The following TBC1D5 variants were observed in gnomAD, a reference collection of about 807,000 sequenced individuals.
TBC1D5 encodes the protein TBC1 domain family member 5, also known as TBC1 domain family, member 5.
A neutral mutation model predicts 100.3 loss-of-function variants in TBC1D5; 75 were observed. The ratio of observed to expected loss-of-function variants is 0.75; its 90% CI spans 0.62 to 0.91. The LOEUF (loss-of-function observed/expected upper bound fraction) is 0.91. TBC1D5 is among the 40% of genes least tolerant of loss of function. TBC1D5 has a pLI of 0.00. For synonymous variants in TBC1D5, 323 were observed against 325.6 expected, an observed-to-expected ratio of 0.99 and a Z score of 0.09; for missense variants, 910 against 942.4, an observed-to-expected ratio of 0.97 and a Z score of 0.45.
At chr3:17,662,573 C>A (rs1271018373) in intron 1 of TBC1D5, among the ~76,000 whole-genome samples, 1 of 152,132 alleles carries the variant, frequency 6.6e-6, no homozygotes, top group Non-Finnish European at 1.5e-5. Context: ...CTGAATTCCA[C>A]TTGAAAATGT....
chr3:17,725,606 G>A (rs2076057533), intron 1 of TBC1D5, among the ~76,000 whole-genome samples: 1 of 152,154 alleles, frequency 6.6e-6, no homozygotes, highest in Non-Finnish European at 1.5e-5. Context: ...CAAAAGCAAA[G>A]TAAAAGCTCC....
chr3:17,327,638 G>A (rs2086311688), intron 13 of TBC1D5, among the ~76,000 whole-genome samples: 2 of 152,242 alleles, frequency 1.3e-5, no homozygotes, highest in South Asian at 4.1e-4. Flanking sequence ...CCAGCTCAGT[G>A]AGGCCTTCTC....
chr3:17,573,250 G>A (rs975590321), intron 2 of TBC1D5, among the ~76,000 whole-genome samples: 1 of 152,002 alleles, frequency 6.6e-6, no homozygotes, highest in African/African-American at 2.4e-5. Flanking sequence ...GCAACCAACT[G>A]CTAGATATGA....
At chr3:17,698,640 C>T (rs112728684) in intron 1 of TBC1D5, among the ~76,000 whole-genome samples, 70,353 of 143,454 alleles carry the variant, frequency 0.49, 18,737 homozygotes, top group East Asian at 0.95. Flanking sequence ...TCGCAACCTA[C>T]TCATCTGACA....
At chr3:17,421,498 T>A (rs1451059680) in intron 4 of TBC1D5, among the ~76,000 whole-genome samples, 2 of 152,114 alleles carry the variant, frequency 1.3e-5, no homozygotes, top group South Asian at 4.1e-4. Context: ...ATTGCCACTT[T>A]AGAACTAGAA....
chr3:17,450,805 T>C (rs148641189), intron 3 of TBC1D5, among the ~76,000 whole-genome samples: 13,867 of 152,032 alleles, frequency 0.091, 1,427 homozygotes, highest in African/African-American at 0.26. Flanking sequence ...AGTTGGAAAA[T>C]ACACTTCAGG....
At position 17,240,826 on chromosome 3, in the gene TBC1D5, G is replaced by A. The variant is rs531201190; in HGVS notation, c.1332-2407C>T. 3.3e-5 allele frequency among the ~76,000 whole-genome samples: 5 copies of A among 152,206 alleles called. No individual in the cohort carries two copies. The East Asian group carries it at 9.6e-4, about 29-fold the overall frequency. On this transcript the variant is annotated intron_variant, in intron 16 of 21. Transcript: ENST00000253692. Reference sequence around the variant, plus strand: ...TACTAGTCAAATTCCCACATTGCCGGTTGTAAAATTTATATGTTGATAAAA... The same window carrying A: ...TACTAGTCAAATTCCCACATTGCCGATTGTAAAATTTATATGTTGATAAAA...
rs376411889 is a variant in TBC1D5, at chr3:17,433,145, T to C, written c.98-4626A>G. Reference sequence around the variant, plus strand: ...AGAGGGTACCATGTTAGCAAATTGTTGTGCATATATGTTCTACCCTGTGTA... The same window carrying C: ...AGAGGGTACCATGTTAGCAAATTGTCGTGCATATATGTTCTACCCTGTGTA... On this transcript the variant is annotated intron_variant, in intron 3 of 21. Coordinates refer to ENST00000253692, the Ensembl canonical transcript of TBC1D5. Among the ~76,000 whole-genome samples the C allele has an allele frequency of 2.0e-4, 31 of 152,284 alleles. No homozygotes were observed. In the East Asian group the frequency reaches 5.0e-3, roughly 25 times the overall value.
At chr3:17,460,679 G>C (rs990027315) in intron 3 of TBC1D5, among the ~76,000 whole-genome samples, 14 of 151,060 alleles carry the variant, frequency 9.3e-5, no homozygotes, top group African/African-American at 3.4e-4. Context: ...AGCTCTTAGC[G>C]CATAGGCCCA....
chr3:17,406,023 T>A (rs906528936), intron 5 of TBC1D5, among the ~76,000 whole-genome samples: 3 of 151,938 alleles, frequency 2.0e-5, no homozygotes, highest in African/African-American at 4.8e-5. Flanking sequence ...CAGCTGCCAT[T>A]TATGAAGAAA....
At chr3:17,487,350 C>T (rs552938069) in intron 3 of TBC1D5, among the ~76,000 whole-genome samples, 1 of 152,268 alleles carries the variant, frequency 6.6e-6, no homozygotes, top group South Asian at 2.1e-4. Context: ...ATAACACTAA[C>T]AGTTTATGTA....
At chr3:17,176,393 A>G (rs909843449) in intron 19 of TBC1D5, among the ~76,000 whole-genome samples, 1 of 152,224 alleles carries the variant, frequency 6.6e-6, no homozygotes, top group Non-Finnish European at 1.5e-5. Context: ...TGCCCCTTTC[A>G]AACTGGGAAG....
intron 13 of TBC1D5, among the ~76,000 whole-genome samples, chr3:17,311,655 G>C (rs2084046112): frequency 6.6e-6 from 1 of 152,088 alleles, no homozygotes; most frequent in Non-Finnish European, 1.5e-5. Context: ...GCTGTAGTGG[G>C]TTATATACAG....
intron 12 of TBC1D5, among the ~76,000 whole-genome samples, chr3:17,373,726 T>C (rs922683901): frequency 6.6e-6 from 1 of 152,070 alleles, no homozygotes; most frequent in Non-Finnish European, 1.5e-5. Context: ...GAAAACACTA[T>C]GCTAAGTGAA....
intron 3 of TBC1D5, among the ~76,000 whole-genome samples, chr3:17,431,270 A>T (rs912662430): frequency 1.3e-5 from 2 of 151,634 alleles, no homozygotes; most frequent in South Asian, 2.1e-4. Flanking sequence ...ACATACAAAT[A>T]CAGTATTAAT....
chr3:17,518,491 A>T (rs914179731), intron 2 of TBC1D5, among the ~76,000 whole-genome samples: 46 of 152,182 alleles, frequency 3.0e-4, no homozygotes, highest in African/African-American at 1.1e-3. Flanking sequence ...ATTTCAGGGG[A>T]AGAAGATTAC....
At chr3:17,434,730 A>G (rs2094505015) in intron 3 of TBC1D5, among the ~76,000 whole-genome samples, 1 of 152,068 alleles carries the variant, frequency 6.6e-6, no homozygotes, top group East Asian at 1.9e-4. Context: ...CCCTGGAGAC[A>G]TTTTCCCCAT....
intron 4 of TBC1D5, among the ~76,000 whole-genome samples, chr3:17,419,316 C>T (rs915895488): frequency 6.6e-6 from 1 of 152,142 alleles, no homozygotes; most frequent in African/African-American, 2.4e-5. Flanking sequence ...TTCTCTGTTA[C>T]AAAATAAATT....
At chr3:17,572,878 C>T (rs2096636087) in intron 2 of TBC1D5, among the ~76,000 whole-genome samples, 1 of 152,088 alleles carries the variant, frequency 6.6e-6, no homozygotes, top group Non-Finnish European at 1.5e-5. Context: ...AAGGACTTCT[C>T]CTTATCTCTA....
Sources: allele counts gnomAD v4.1 joint callset (sites outside exome capture counted in the v4.1 genomes callset), GRCh38; gene constraint gnomAD v4.1.1; transcripts MANE v1.5; gene names NCBI Gene and HGNC (gene_info 2026-07-23, HGNC 2026-07-21).